Variants in TRAF3IP1 observed in about 807,000 individuals in gnomAD.
TRAF3IP1 encodes the protein TRAF3-interacting protein 1.
TRAF3IP1 carries 53 observed loss-of-function variants against 89.9 expected under a neutral mutation model. That is an observed-to-expected ratio of 0.59 (90% confidence interval 0.47 to 0.74). TRAF3IP1 has a LOEUF of 0.74. Ranked by LOEUF, TRAF3IP1 falls within the 30% of genes least tolerant of loss-of-function variation. The pLI, the probability that TRAF3IP1 is intolerant of heterozygous loss-of-function variation, is 0.00. For synonymous variants in TRAF3IP1, 311 were observed against 322.1 expected (o/e 0.97, Z 0.37); for missense variants, 806 against 866.1 (o/e 0.93, Z 0.87).
Position 238,320,691 on chromosome 2 carries a change from A to T in TRAF3IP1, c.29A>T (p.Gln10Leu). The T allele has an allele frequency of 7.0e-7, 1 of 1,420,286 alleles. No individual in the cohort carries two copies. Among genetic ancestry groups the T allele is most frequent in the Non-Finnish European group, 9.3e-7 (1 of 1,072,890 alleles). The allele number at this position is 1,420,286 out of a possible 1,614,324, so 88.0% of individuals were successfully genotyped here. A position where few individuals can be genotyped will look rare whatever the true frequency, so the allele number is the denominator to read the frequency against. MNAAVVRRTQEALGKVIRRP... is the reference protein window; with the variant it reads MNAAVVRRTLEALGKVIRRP... Reference sequence around the variant, plus strand: ...AACGCGGCGGTGGTGAGGCGGACGCAGGAGGCGCTGGGGAAAGTGATTCGG... The same window carrying T: ...AACGCGGCGGTGGTGAGGCGGACGCTGGAGGCGCTGGGGAAAGTGATTCGG... Residue 10 changes from glutamine to leucine, a missense_variant, in exon 1 of 17, where the codon CAG becomes CTG. Around this residue, in one of 3 missense-constraint regions of TRAF3IP1, gnomAD observed 732 missense variants for 780.5 expected, o/e 0.94. Transcript: ENST00000373327.
chr2:238,388,074 ACT>A (rs1476887185), intron 15 of TRAF3IP1, among the ~76,000 whole-genome samples: 5 of 151,676 alleles, frequency 3.3e-5, no homozygotes, highest in Non-Finnish European at 7.4e-5. Flanking sequence ...ACAGAACAAG[ACT>A]CTGTCTCAAA....
At chr2:238,355,645 T>C (rs1699373470) in intron 14 of TRAF3IP1, among the ~76,000 whole-genome samples, 1 of 152,272 alleles carries the variant, frequency 6.6e-6, no homozygotes, top group African/African-American at 2.4e-5. Flanking sequence ...GTAAAAGAAG[T>C]ATCCGTACTT....
At position 238,328,765 on chromosome 2, in the gene TRAF3IP1, G is replaced by T. The variant is rs763836094; in HGVS notation, c.434G>T (p.Arg145Ile). 3.1e-6 allele frequency: 5 copies of T among 1,613,912 alleles called. No individual in the cohort carries two copies. The African/African-American group carries it at 6.7e-5, about 22-fold the overall frequency. ...EVKGRASLTSRSQELDNKNVR... is the reference protein window; with the variant it reads ...EVKGRASLTSISQELDNKNVR... ...AAAGGCCGGGCCTCACTGACCTCAA[G>T]ATCTCAGGAATTGGATAATAAGAAT... Residue 145 changes from arginine to isoleucine, a missense_variant, in exon 4 of 17, where the codon AGA becomes ATA. Physicochemically the swap from Arg to Ile is moderately conservative, Grantham distance 97 (BLOSUM62 -3). Around this residue, in one of 3 missense-constraint regions of TRAF3IP1, gnomAD observed 732 missense variants for 780.5 expected, o/e 0.94. Transcript: ENST00000373327.
intron 15 of TRAF3IP1, among the ~76,000 whole-genome samples, chr2:238,383,014 G>A (rs501500): frequency 4.6e-5 from 7 of 151,876 alleles, no homozygotes; most frequent in Non-Finnish European, 7.4e-5. Context: ...CACCACTCTC[G>A]GGCTCCAGCC....
chr2:238,389,472 G>T lies in TRAF3IP1; in HGVS notation c.1690-7987G>T, dbSNP rs1574975148. ...TTTTAAAAATAATACTTTTGGCCGG[G>T]TGCAGTGGCTCACATCTGTAATCCC... On this transcript the variant is annotated intron_variant, in intron 15 of 16. Coordinates refer to ENST00000373327, the MANE Select transcript of TRAF3IP1 (RefSeq NM_015650.4). 1.3e-5 allele frequency among the ~76,000 whole-genome samples: 2 copies of T among 151,994 alleles called. 1 individual carries two copies. The highest frequency in any genetic ancestry group is 4.2e-4 in the South Asian group (2 of 4,806).
At chr2:238,364,234 C>T (rs1699780204) in intron 15 of TRAF3IP1, among the ~76,000 whole-genome samples, 1 of 152,112 alleles carries the variant, frequency 6.6e-6, no homozygotes, top group South Asian at 2.1e-4. Flanking sequence ...TTTGAAGTTG[C>T]ATTGGAAGTA....
chr2:238,325,860 A>C lies in TRAF3IP1; in HGVS notation c.244A>C (p.Met82Leu). Residue 82 changes from methionine to leucine, a missense_variant, in exon 3 of 17, where the codon ATG (methionine) becomes CTG (leucine). By Grantham distance (15) the Met-to-Leu change is conservative. Around this residue, in one of 3 missense-constraint regions of TRAF3IP1, gnomAD observed 732 missense variants for 780.5 expected, o/e 0.94. Transcript: ENST00000373327. ...FLQKAIDVVV[M>L]VSGEPLLAKP... ...ACAAAAGGCCATAGACGTGGTTGTA[A>C]TGGTGTCGGGAGAGCCACTGTTGGC... 6.2e-7 allele frequency: 1 copy of C among 1,614,238 alleles called. No homozygotes were observed. Among genetic ancestry groups the C allele is most frequent in the Non-Finnish European group, 8.5e-7 (1 of 1,180,036 alleles).
intron 15 of TRAF3IP1, among the ~76,000 whole-genome samples, chr2:238,373,974 G>T (rs1700215409): frequency 6.6e-6 from 1 of 152,148 alleles, no homozygotes; most frequent in African/African-American, 2.4e-5. Context: ...TTTGCACATT[G>T]ATTTTGTATC....
intron 15 of TRAF3IP1, among the ~76,000 whole-genome samples, chr2:238,378,675 A>T (rs1411461394): frequency 1.3e-5 from 2 of 152,204 alleles, no homozygotes; most frequent in African/African-American, 4.8e-5. Flanking sequence ...CATTTTATAA[A>T]ATTAATTTGG....
Position 238,391,518 on chromosome 2 carries a change from G to A in TRAF3IP1, c.1690-5941G>A, listed in dbSNP as rs564883317. Among the ~76,000 whole-genome samples, 6 of 152,336 alleles carry A rather than the reference G, an allele frequency of 3.9e-5. No homozygotes were observed. The East Asian group carries it at 1.2e-3, about 29-fold the overall frequency. On this transcript the variant is annotated intron_variant, in intron 15 of 16. Transcript: ENST00000373327. Reference sequence around the variant, plus strand: ...AAATGAAAGCTTGAAAATTGCCAGAGTGTTGGTGTTTTGCAGCAATGTATT... The same window carrying A: ...AAATGAAAGCTTGAAAATTGCCAGAATGTTGGTGTTTTGCAGCAATGTATT...
At chr2:238,393,668 G>A (rs1424186523) in intron 15 of TRAF3IP1, among the ~76,000 whole-genome samples, 1 of 152,138 alleles carries the variant, frequency 6.6e-6, no homozygotes, top group African/African-American at 2.4e-5. Context: ...GTTAATTTTT[G>A]TTTAAGATAT....
chr2:238,398,852 A>G lies in TRAF3IP1; in HGVS notation c.2009A>G (p.Asn670Ser). 3 of 1,613,596 alleles carry G rather than the reference A, an allele frequency of 1.9e-6. No homozygotes were observed. Among genetic ancestry groups the G allele is most frequent in the Non-Finnish European group, 2.5e-6 (3 of 1,179,772 alleles). The change falls in exon 17 of 17, where the codon AAC (asparagine) becomes AGC (serine). Residue 670 changes from asparagine (N) to serine (S), a missense_variant. Transcript: ENST00000373327. Reference protein sequence around the residue: ...QQDKICAVKANILKNEEKIQK... With the variant: ...QQDKICAVKASILKNEEKIQK... ...GACAAGATCTGTGCTGTGAAGGCCAACATCCTCAAGAATGAAGAAAAAATC... is the reference window on the plus strand; with the variant it reads ...GACAAGATCTGTGCTGTGAAGGCCAGCATCCTCAAGAATGAAGAAAAAATC...
chr2:238,325,438 C>CT, intron 2 of TRAF3IP1, 64 bp downstream of exon 2: 1 of 1,536,098 alleles, frequency 6.5e-7, no homozygotes, highest in Non-Finnish European at 9.0e-7. Context: ...TTTTGTAGGC[C>CT]TGGTAGTGTG....
At chr2:238,378,576 T>G (rs1700416348) in intron 15 of TRAF3IP1, among the ~76,000 whole-genome samples, 1 of 152,218 alleles carries the variant, frequency 6.6e-6, no homozygotes, top group African/African-American at 2.4e-5. Context: ...AAAATAGAAC[T>G]TCATCTCTAT....
At chr2:238,383,795 ACT>A (rs1451812812) in intron 15 of TRAF3IP1, among the ~76,000 whole-genome samples, 1 of 152,182 alleles carries the variant, frequency 6.6e-6, no homozygotes, top group African/African-American at 2.4e-5. Context: ...GAGGTGAATA[ACT>A]TTTTGTTTGT....
intron 15 of TRAF3IP1, among the ~76,000 whole-genome samples, chr2:238,367,648 G>A (rs1699940480): frequency 1.3e-5 from 2 of 152,006 alleles, no homozygotes; most frequent in Non-Finnish European, 2.9e-5. Context: ...GAGAGCCTGC[G>A]CCACCGAGCC....
intron 15 of TRAF3IP1, among the ~76,000 whole-genome samples, chr2:238,384,873 T>G (rs904867258): frequency 6.6e-6 from 1 of 152,214 alleles, no homozygotes; most frequent in African/African-American, 2.4e-5. Context: ...GAAACTCTGT[T>G]TCCTAATAGA....
intron 15 of TRAF3IP1, among the ~76,000 whole-genome samples, chr2:238,373,913 C>T (rs969890341): frequency 6.6e-6 from 1 of 152,180 alleles, no homozygotes; most frequent in African/African-American, 2.4e-5. Context: ...TGGGAGTTCA[C>T]TCATGATTTG....
chr2:238,342,024 C>T (rs981719187), intron 8 of TRAF3IP1, among the ~76,000 whole-genome samples: 1 of 151,942 alleles, frequency 6.6e-6, no homozygotes, highest in African/African-American at 2.4e-5. Context: ...GAGTCTCACT[C>T]TATTGCCAGG....
Sources: allele counts gnomAD v4.1 joint callset (sites outside exome capture counted in the v4.1 genomes callset), GRCh38; gene constraint gnomAD v4.1.1; regional missense constraint gnomAD v4.1.1; transcripts MANE v1.5; gene names NCBI Gene and HGNC (gene_info 2026-07-23, HGNC 2026-07-21).